The following CLEC2A variants were observed in gnomAD, a reference collection of about 807,000 sequenced individuals.
The protein encoded by CLEC2A is keratinocyte-associated C-type lectin.
A neutral mutation model predicts 18.6 loss-of-function variants in CLEC2A; 19 were observed. That is an observed-to-expected ratio of 1.02 (90% CI 0.71 to 1.50). The LOEUF (loss-of-function observed/expected upper bound fraction) is 1.50, where lower values mean the gene tolerates loss of function less well. Among genes scored for constraint, CLEC2A ranks in the 40% most tolerant of loss-of-function variants. The pLI, the probability that CLEC2A is intolerant of heterozygous loss-of-function variation, is 0.00. For missense variants in CLEC2A, 190 were observed against 207.9 expected (o/e 0.91, Z 0.53); for synonymous variants, 74 against 64.0 (o/e 1.16, Z -0.75).
chr12:9,881,130 T>A, the CLEC2A span, among the ~76,000 whole-genome samples: 1 of 152,254 alleles, frequency 6.6e-6, no homozygotes, highest in Non-Finnish European at 1.5e-5. Flanking sequence ...ACTCTACTAG[T>A]CAAATATGTC....
At chr12:9,918,451 G>C (rs113520976) in intron 3 of CLEC2A, among the ~76,000 whole-genome samples, 1,671 of 152,262 alleles carry the variant, frequency 0.011, 35 homozygotes, top group African/African-American at 0.039. Flanking sequence ...CTGTTCCACT[G>C]GTCTATGTGC....
intron 4 of CLEC2A, among the ~76,000 whole-genome samples, chr12:9,903,215 C>A (rs1238598514): frequency 6.6e-6 from 1 of 151,270 alleles, no homozygotes. Flanking sequence ...TCAAATTTTT[C>A]TAACATAATT....
the CLEC2A span, among the ~76,000 whole-genome samples, chr12:9,886,297 C>T: frequency 2.0e-5 from 3 of 151,812 alleles, no homozygotes; most frequent in African/African-American, 7.3e-5. Context: ...GAGTATTGAC[C>T]ATAAATATTT....
At chr12:9,912,491 G>C (rs1253165132), downstream of CLEC2A, among the ~76,000 whole-genome samples, 1 of 152,158 alleles carries the variant, frequency 6.6e-6, no homozygotes, top group African/African-American at 2.4e-5. Flanking sequence ...GAGAGGTTTC[G>C]AGTCCTCATT....
chr12:9,927,675 C>A (rs1407711078), intron 1 of CLEC2A, among the ~76,000 whole-genome samples: 2 of 152,080 alleles, frequency 1.3e-5, no homozygotes, highest in African/African-American at 4.8e-5. Flanking sequence ...TCATGATCAC[C>A]AGACTACAGA....
rs1258386851 is a variant in CLEC2A, at chr12:9,922,186, C to A, written c.186G>T (p.Trp62Cys). 2 of 1,551,012 alleles carry A rather than the reference C, an allele frequency of 1.3e-6. No individual in the cohort carries two copies. The highest frequency in any genetic ancestry group is 1.7e-6 in the Non-Finnish European group (2 of 1,146,666). ...AGAAACACTTATCTCTCACTCCAAG[C>A]CAGTCCCCTGAACATGCCACAGGTT... is the stretch of plus-strand genomic sequence containing the variant. Reference protein sequence around the residue: ...HAKPVACSGDWLGVRDKCFYF... With the variant: ...HAKPVACSGDCLGVRDKCFYF... Residue 62 changes from tryptophan to cysteine, a missense_variant, in exon 3 of 5, where the codon TGG (tryptophan) becomes TGT (cysteine). Trp to Cys is a radical substitution (Grantham distance 215, BLOSUM62 -2). Coordinates refer to ENST00000455827, the MANE Select transcript of CLEC2A (RefSeq NM_001130711.2).
the CLEC2A span, among the ~76,000 whole-genome samples, chr12:9,890,401 G>A: frequency 6.6e-6 from 1 of 152,124 alleles, no homozygotes; most frequent in African/African-American, 2.4e-5. Context: ...CGAGAGCTGA[G>A]GTTCCTCTTC....
At chr12:9,878,799 G>A in the CLEC2A span, among the ~76,000 whole-genome samples, 1 of 152,128 alleles carries the variant, frequency 6.6e-6, no homozygotes, top group South Asian at 2.1e-4. Context: ...GAGGAGGCTA[G>A]GCAGTCATTG....
the CLEC2A span, among the ~76,000 whole-genome samples, chr12:9,886,763 CAAAAAAAAA>C: frequency 9.7e-6 from 1 of 103,520 alleles, no homozygotes; most frequent in African/African-American, 3.8e-5. Context: ...CTATATCATG[CAAAAAAAAA>C]AAAAAAAAAA....
the CLEC2A span, among the ~76,000 whole-genome samples, chr12:9,879,403 C>G: frequency 6.6e-6 from 1 of 152,152 alleles, no homozygotes; most frequent in Non-Finnish European, 1.5e-5. Context: ...AACATGGCCA[C>G]AGGTGTAATT....
chr12:9,881,335 A>G, the CLEC2A span, among the ~76,000 whole-genome samples: 11 of 152,220 alleles, frequency 7.2e-5, no homozygotes. Context: ...ATTTGTTGAA[A>G]ACAGTGGAAC....
the CLEC2A span, chr12:9,893,120 T>C: frequency 6.5e-7 from 1 of 1,535,866 alleles, no homozygotes; most frequent in Admixed American, 2.0e-5. Context: ...AACGTGATTG[T>C]ACACAGCTAC....
intron 1 of CLEC2A, among the ~76,000 whole-genome samples, chr12:9,931,474 TATAGGCTGCTA>T: frequency 6.6e-6 from 1 of 152,160 alleles, no homozygotes; most frequent in Non-Finnish European, 1.5e-5. Context: ...AACATTCTAG[TATAGGCTGCTA>T]GAAATGCTGT....
At chr12:9,899,639 C>T (rs139509772) in intron 4 of CLEC2A, among the ~76,000 whole-genome samples, 8 of 152,316 alleles carry the variant, frequency 5.3e-5, no homozygotes, top group South Asian at 4.1e-4. Context: ...AGTGCCAAAG[C>T]GGCTTTCACC....
At chr12:9,912,987 C>A (rs973634755), downstream of CLEC2A, among the ~76,000 whole-genome samples, 1 of 152,178 alleles carries the variant, frequency 6.6e-6, no homozygotes, top group South Asian at 2.1e-4. Context: ...TAAAACTGCA[C>A]TAATGCAACA....
chr12:9,912,777 C>A (rs966986900), downstream of CLEC2A, among the ~76,000 whole-genome samples: 2 of 152,164 alleles, frequency 1.3e-5, no homozygotes, highest in African/African-American at 2.4e-5. Flanking sequence ...TTCTTTGCTG[C>A]AAAAGTTGTG....
intron 1 of CLEC2A, among the ~76,000 whole-genome samples, chr12:9,931,152 G>A (rs1863369260): frequency 6.6e-6 from 1 of 152,050 alleles, no homozygotes; most frequent in African/African-American, 2.4e-5. Context: ...GTTATGCAAT[G>A]AGATAAATTT....
At chr12:9,898,799 C>G (rs568908141) in exon 5 of CLEC2A, 1 of 597,076 alleles carries the variant, frequency 1.7e-6, no homozygotes, top group Admixed American at 2.5e-5. Flanking sequence ...AGAAGTACAT[C>G]TAACTGCCGT....
chr12:9,902,302 C>T (rs550989957), intron 4 of CLEC2A, among the ~76,000 whole-genome samples: 2 of 149,372 alleles, frequency 1.3e-5, no homozygotes, highest in African/African-American at 5.0e-5. Flanking sequence ...CACACAATCT[C>T]GGCTGACTGC....
Sources: gnomAD v4.1 joint callset for allele counts (sites outside exome capture counted in the v4.1 genomes callset) on GRCh38, gnomAD v4.1.1 for gene constraint, MANE v1.5 for transcripts, NCBI Gene and HGNC (gene_info 2026-07-23, HGNC 2026-07-21) for gene names.